MMAA: variants seen among roughly 807,000 people sequenced by gnomAD.
The protein encoded by MMAA is metabolism of cobalamin associated A.
MMAA carries 41 observed loss-of-function variants against 45.0 expected under a neutral mutation model. The ratio of observed to expected loss-of-function variants is 0.91; its 90% CI spans 0.71 to 1.18. MMAA has a LOEUF of 1.18. Among genes scored for constraint, MMAA ranks in the 50% most tolerant of loss-of-function variants. The probability of loss-of-function intolerance (pLI) is 0.00; values close to 1 mark genes in which losing one functional copy is unlikely to be tolerated. For missense variants in MMAA, 460 were observed against 495.7 expected, an observed-to-expected ratio of 0.93 and a Z score of 0.68; for synonymous variants, 154 against 178.2, an observed-to-expected ratio of 0.86 and a Z score of 1.08.
At position 145,657,116 on chromosome 4, in the gene MMAA, C is replaced by A. The variant is rs1370233201; in HGVS notation, c.*1682C>A. On this transcript the variant is annotated 3_prime_UTR_variant, in exon 7 of 7. Transcript: ENST00000649156. Reference sequence around the variant, plus strand: ...GCACAGTGTAAGTAATGCTGGAGCACACATACTGCATTGTAAAGAAGGTAG... The same window carrying A: ...GCACAGTGTAAGTAATGCTGGAGCAAACATACTGCATTGTAAAGAAGGTAG... 6.6e-6 allele frequency: 1 copy of A among 152,114 alleles called. No individual in the cohort carries two copies. The highest frequency in any genetic ancestry group is 1.5e-5 in the Non-Finnish European group (1 of 68,028). The allele number at this position is 152,114 out of a possible 1,614,324, so 9.4% of individuals were successfully genotyped here.
rs374622922 is a variant in MMAA, at chr4:145,655,333, C to T, written c.1156C>T (p.Arg386Trp). Residue 386 changes from arginine (R) to tryptophan (W), a missense_variant, in exon 7 of 7, where the codon CGG becomes TGG. Transcript: ENST00000649156. ...LEHFRTHPTV[R>W]EQIPLLEQKV... ...GCATTTCAGGACCCACCCCACAGTC[C>T]GGGAACAGATTCCACTTCTGGAACA... 183 of 1,614,006 alleles carry T rather than the reference C, an allele frequency of 1.1e-4. No individual in the cohort carries two copies. Among genetic ancestry groups the T allele is most frequent in the Non-Finnish European group, 1.4e-4 (163 of 1,180,012 alleles).
chr4:145,640,710 T>A (rs969881596), intron 2 of MMAA, among the ~76,000 whole-genome samples: 4 of 152,244 alleles, frequency 2.6e-5, no homozygotes, highest in African/African-American at 9.6e-5. Flanking sequence ...GTATATTAGA[T>A]GTTCATTTGA....
At chr4:145,626,984 C>T (rs1304015918) in intron 1 of MMAA, among the ~76,000 whole-genome samples, 2 of 152,174 alleles carry the variant, frequency 1.3e-5, no homozygotes, top group African/African-American at 2.4e-5. Flanking sequence ...TGGTATCATC[C>T]TTTTTCTCGT....
At chr4:145,642,609 G>A in intron 3 of MMAA, 124 bp downstream of exon 3, 1 of 1,302,060 alleles carries the variant, frequency 7.7e-7, no homozygotes, top group Non-Finnish European at 1.1e-6. Context: ...TAAAGGAAGG[G>A]AGTTCTGCAG....
Position 145,659,165 on chromosome 4 carries a change from A to C in MMAA, c.*3731A>C, listed in dbSNP as rs968112899. On this transcript the variant is annotated 3_prime_UTR_variant, in exon 7 of 7. Transcript: ENST00000649156. ...TTTTCTTTCCGTAGTATTTTAATTAAAATTTTTAAAATTTTAAAATTTACT... is the reference window on the plus strand; with the variant it reads ...TTTTCTTTCCGTAGTATTTTAATTACAATTTTTAAAATTTTAAAATTTACT... 1.3e-5 allele frequency: 2 copies of C among 152,218 alleles called. No individual in the cohort carries two copies. The highest frequency in any genetic ancestry group is 4.8e-5 in the African/African-American group (2 of 41,458). The allele number at this position is 152,218 out of a possible 1,614,324, so 9.4% of individuals were successfully genotyped here.
intron 2 of MMAA, 40 bp from the exon 3 acceptor site, chr4:145,642,323 C>T: frequency 6.2e-7 from 1 of 1,610,726 alleles, no homozygotes; most frequent in Non-Finnish European, 8.5e-7. Flanking sequence ...GTTCTGATTT[C>T]ATTTGTTTCA....
At chr4:145,636,815 G>A (rs1727623910) in intron 1 of MMAA, among the ~76,000 whole-genome samples, 1 of 152,204 alleles carries the variant, frequency 6.6e-6, no homozygotes, top group African/African-American at 2.4e-5. Flanking sequence ...CTCTTGAAGT[G>A]CTAGGATTAG....
intron 5 of MMAA, 56 bp from the exon 6 acceptor site, chr4:145,653,938 T>C (rs1371359058): frequency 1.3e-6 from 2 of 1,568,456 alleles, no homozygotes; most frequent in East Asian, 2.2e-5. Context: ...ATCTGAGCAT[T>C]GACTAGTTTT....
intron 3 of MMAA, among the ~76,000 whole-genome samples, chr4:145,643,905 TCCTAA>T (rs1727859795): frequency 6.6e-6 from 1 of 152,162 alleles, no homozygotes; most frequent in Non-Finnish European, 1.5e-5. Flanking sequence ...GCTATGTGTT[TCCTAA>T]CCTTTCTCAA....
intron 3 of MMAA, among the ~76,000 whole-genome samples, chr4:145,643,496 G>A (rs1727843502): frequency 6.6e-6 from 1 of 152,116 alleles, no homozygotes; most frequent in Non-Finnish European, 1.5e-5. Flanking sequence ...GAATGATGAT[G>A]TAATCATATT....
At chr4:145,624,897 G>T in intron 1 of MMAA, 1 of 1,578,320 alleles carries the variant, frequency 6.3e-7, no homozygotes, top group Non-Finnish European at 8.7e-7. Context: ...TGGTTTCTTG[G>T]CCCCCAAGTG....
chr4:145,629,169 C>T (rs1038486345), intron 1 of MMAA, among the ~76,000 whole-genome samples: 6 of 152,080 alleles, frequency 3.9e-5, no homozygotes, highest in South Asian at 2.1e-4. Flanking sequence ...GTCTCGCTGT[C>T]GCCCAGGCTG....
intron 2 of MMAA, chr4:145,639,843 A>G: frequency 1.0e-6 from 1 of 983,018 alleles, no homozygotes; most frequent in South Asian, 4.7e-5. Context: ...CCCAGGACAG[A>G]AATATTCATA....
chr4:145,655,815 A>G lies in MMAA; in HGVS notation c.*381A>G, dbSNP rs1390028725. On this transcript the variant is annotated 3_prime_UTR_variant, in exon 7 of 7. Transcript: ENST00000649156. ...AGAGGATGTAAACAAGAGTGACCAT[A>G]TTTTTGGAGTCCTTCTTGAAGCCAG... 2 of 161,240 alleles carry G rather than the reference A, an allele frequency of 1.2e-5. No homozygotes were observed. Among genetic ancestry groups the G allele is most frequent in the Admixed American group, 6.2e-5 (1 of 16,246 alleles). The allele number at this position is 161,240 out of a possible 1,614,324, so 10.0% of individuals were successfully genotyped here. A position where few individuals can be genotyped will look rare whatever the true frequency, so the allele number is the denominator to read the frequency against.
intron 4 of MMAA, among the ~76,000 whole-genome samples, chr4:145,648,336 C>T (rs113007107): frequency 0.077 from 11,616 of 151,800 alleles, 531 homozygotes; most frequent in Non-Finnish European, 0.1. Context: ...TTAGTAGAGA[C>T]GGGGTTTCAC....
intron 4 of MMAA, among the ~76,000 whole-genome samples, chr4:145,648,023 ATT>A (rs771723312): frequency 0.015 from 1,928 of 130,796 alleles, 41 homozygotes; most frequent in African/African-American, 0.052. Context: ...TGCCCAGCTA[ATT>A]TTTTTTTTTT....
At chr4:145,621,109 ATGCCAGGCCCTG>A (rs1189554348) in intron 1 of MMAA, among the ~76,000 whole-genome samples, 1 of 152,226 alleles carries the variant, frequency 6.6e-6, no homozygotes, top group African/African-American at 2.4e-5. Flanking sequence ...CACCTGCTTG[ATGCCAGGCCCTG>A]TGCCAGGCTC....
chr4:145,633,599 T>C (rs901140820), intron 1 of MMAA, among the ~76,000 whole-genome samples: 2 of 152,250 alleles, frequency 1.3e-5, no homozygotes, highest in Admixed American at 6.5e-5. Context: ...TGGTGCCTTA[T>C]TTAGTTTATT....
intron 2 of MMAA, among the ~76,000 whole-genome samples, chr4:145,641,776 C>G (rs1037878360): frequency 1.3e-5 from 2 of 152,214 alleles, no homozygotes; most frequent in Non-Finnish European, 2.9e-5. Context: ...GGTTTGTGCT[C>G]TTACCGGCCG....
Sources: allele counts gnomAD v4.1 joint callset (sites outside exome capture counted in the v4.1 genomes callset), GRCh38; gene constraint gnomAD v4.1.1; transcripts MANE v1.5; gene names NCBI Gene and HGNC (gene_info 2026-07-23, HGNC 2026-07-21).